Variants in ZNF354B observed in about 807,000 individuals in gnomAD.
The protein encoded by ZNF354B is zinc finger protein 354B.
A neutral mutation model predicts 12.9 loss-of-function variants in ZNF354B; 10 were observed. The observed-to-expected ratio is 0.77, with a 90% confidence interval of 0.48 to 1.31. ZNF354B has a LOEUF of 1.31. ZNF354B is among the 40% of genes most tolerant of loss of function. The pLI is 0.00. For missense variants in ZNF354B, 614 were observed against 711.7 expected, an observed-to-expected ratio of 0.86 and a Z score of 1.56; for synonymous variants, 260 against 243.7, an observed-to-expected ratio of 1.07 and a Z score of -0.62.
intron 2 of ZNF354B, among the ~76,000 whole-genome samples, chr5:178,864,198 C>T (rs1416652985): frequency 6.6e-6 from 1 of 152,234 alleles, no homozygotes; most frequent in African/African-American, 2.4e-5. Flanking sequence ...AAGCTCCATT[C>T]ATGGCAAGAG....
At chr5:178,872,387 T>A (rs919309061) in intron 4 of ZNF354B, among the ~76,000 whole-genome samples, 26 of 152,220 alleles carry the variant, frequency 1.7e-4, no homozygotes, top group African/African-American at 6.0e-4. Flanking sequence ...AGCCATTCCC[T>A]TGTTGGACAT....
chr5:178,878,733 G>A (rs899284409), intron 4 of ZNF354B, among the ~76,000 whole-genome samples: 1 of 152,034 alleles, frequency 6.6e-6, no homozygotes, highest in Non-Finnish European at 1.5e-5. Context: ...ATGGAGTTTT[G>A]CTCTTGTTAC....
chr5:178,882,897 A>G lies in ZNF354B; in HGVS notation c.445A>G (p.Thr149Ala), dbSNP rs193061864. ...TTTACAAATAATTTCAGTTGCCCAT[A>G]CAAAAATCCTTACTGTAGATAGAAG... ...ENLQIISVAH[T>A]KILTVDRSHK... The change falls in exon 5 of 5, where the codon ACA becomes GCA. Residue 149 changes from threonine (T) to alanine (A), a missense_variant. Transcript: ENST00000322434. 6 of 1,598,594 alleles carry G rather than the reference A, an allele frequency of 3.8e-6. No individual in the cohort carries two copies. The East Asian group carries it at 1.3e-4, about 36-fold the overall frequency.
At chr5:178,862,667 G>T (rs748798121) in intron 2 of ZNF354B, among the ~76,000 whole-genome samples, 4 of 152,182 alleles carry the variant, frequency 2.6e-5, no homozygotes. Context: ...CGCGCCTGGC[G>T]GCGTTATCTT....
At chr5:178,866,417 C>A (rs1358107925) in intron 3 of ZNF354B, 47 bp downstream of exon 3, 4 of 1,584,108 alleles carry the variant, frequency 2.5e-6, no homozygotes, top group Non-Finnish European at 3.4e-6. Flanking sequence ...ATTGGGATAT[C>A]TCAGCACCTC....
chr5:178,874,888 T>C (rs1757613982), intron 4 of ZNF354B, among the ~76,000 whole-genome samples: 2 of 152,228 alleles, frequency 1.3e-5, no homozygotes, highest in Non-Finnish European at 2.9e-5. Flanking sequence ...GTAATTTGAG[T>C]ATAGTCAGTT....
intron 2 of ZNF354B, among the ~76,000 whole-genome samples, chr5:178,865,361 G>A (rs986332503): frequency 6.6e-6 from 1 of 151,984 alleles, no homozygotes; most frequent in Non-Finnish European, 1.5e-5. Flanking sequence ...TCTGCTTCCC[G>A]GGTTCAAGCG....
intron 4 of ZNF354B, among the ~76,000 whole-genome samples, chr5:178,871,302 C>T (rs962320557): frequency 6.6e-6 from 1 of 152,138 alleles, no homozygotes; most frequent in African/African-American, 2.4e-5. Flanking sequence ...CCAAGCAGGC[C>T]CCCACTCAGG....
Sources: allele counts gnomAD v4.1 joint callset (sites outside exome capture counted in the v4.1 genomes callset), GRCh38; gene constraint gnomAD v4.1.1; transcripts MANE v1.5; gene names NCBI Gene and HGNC (gene_info 2026-07-23, HGNC 2026-07-21).